USP28: variants seen among roughly 807,000 people sequenced by gnomAD.
USP28 encodes ubiquitin carboxyl-terminal hydrolase 28.
A neutral mutation model predicts 145.0 loss-of-function variants in USP28; 113 were observed. The ratio of observed to expected loss-of-function variants is 0.78; its 90% CI spans 0.67 to 0.91. USP28 has a LOEUF of 0.91. Ranked by LOEUF, USP28 falls within the 40% of genes least tolerant of loss-of-function variation. The pLI is 0.00. For missense variants in USP28, 1,201 were observed against 1,289.6 expected, an observed-to-expected ratio of 0.93 and a Z score of 1.05; for synonymous variants, 447 against 450.9, an observed-to-expected ratio of 0.99 and a Z score of 0.11.
chr11:113,826,336 CATT>C (rs1486989492), intron 11 of USP28, among the ~76,000 whole-genome samples: 59 of 115,206 alleles, frequency 5.1e-4, no homozygotes, highest in Admixed American at 8.8e-4. Flanking sequence ...CCACCACACC[CATT>C]TTTTTTTTTT....
chr11:113,806,397 C>A, intron 19 of USP28, 92 bp downstream of exon 20: 1 of 1,104,086 alleles, frequency 9.1e-7, no homozygotes, highest in Middle Eastern at 2.9e-4. Flanking sequence ...CCACACCCAG[C>A]CTTAACCCCA....
exon 20 of USP28, chr11:113,804,979 G>C (rs1308433035): frequency 6.8e-6 from 11 of 1,614,036 alleles, no homozygotes; most frequent in Non-Finnish European, 7.6e-6. Flanking sequence ...CTGAAGTCGA[G>C]GATCACTGTG....
chr11:113,809,387 A>T (rs1239354720), intron 16 of USP28, 133 bp from the exon 17 acceptor site: 2 of 862,900 alleles, frequency 2.3e-6, no homozygotes, highest in Non-Finnish European at 3.6e-6. Flanking sequence ...TCCATCAGAA[A>T]TGCAGGCTGA....
At chr11:113,812,943 T>A (rs542282904) in intron 15 of USP28, among the ~76,000 whole-genome samples, 26 of 152,340 alleles carry the variant, frequency 1.7e-4, no homozygotes, top group African/African-American at 6.0e-4. Context: ...ACATATTTAA[T>A]TCAGCCACAT....
chr11:113,853,041 G>A (rs543184992), intron 2 of USP28, among the ~76,000 whole-genome samples: 39 of 152,246 alleles, frequency 2.6e-4, no homozygotes, highest in Middle Eastern at 3.4e-3. Flanking sequence ...TGGCTCACAC[G>A]CCTGTAATCC....
At chr11:113,813,779 A>T in intron 15 of USP28, 106 bp downstream of exon 15, 1 of 847,588 alleles carries the variant, frequency 1.2e-6, no homozygotes, top group Non-Finnish European at 1.9e-6. Context: ...TTATTCTTTT[A>T]TCTTAGGGGG....
At chr11:113,849,841 TA>T (rs1946271464) in intron 3 of USP28, among the ~76,000 whole-genome samples, 1 of 152,136 alleles carries the variant, frequency 6.6e-6, no homozygotes, top group African/African-American at 2.4e-5. Flanking sequence ...CTGGCAACCC[TA>T]GGGGACTACA....
At chr11:113,842,197 A>C (rs1318771035) in intron 3 of USP28, among the ~76,000 whole-genome samples, 1 of 152,154 alleles carries the variant, frequency 6.6e-6, no homozygotes, top group Non-Finnish European at 1.5e-5. Flanking sequence ...AAAAAGTGAA[A>C]CTCACACGTG....
chr11:113,864,703 T>C (rs944538571), intron 1 of USP28, among the ~76,000 whole-genome samples: 1 of 152,292 alleles, frequency 6.6e-6, no homozygotes, highest in Non-Finnish European at 1.5e-5. Context: ...CTACCCACAT[T>C]AGGGAGTTCA....
At chr11:113,849,465 C>T (rs907729001) in intron 3 of USP28, among the ~76,000 whole-genome samples, 6 of 152,114 alleles carry the variant, frequency 3.9e-5, no homozygotes, top group Non-Finnish European at 7.4e-5. Flanking sequence ...GATAAAAGCC[C>T]GTGTTAGGCT....
intron 14 of USP28, 72 bp from the exon 15 acceptor site, chr11:113,814,027 A>C: frequency 8.7e-7 from 1 of 1,146,680 alleles, no homozygotes. Flanking sequence ...TACTTTAACT[A>C]AGCAAAGAAT....
chr11:113,855,401 T>C (rs190634019), intron 1 of USP28, among the ~76,000 whole-genome samples: 61 of 152,344 alleles, frequency 4.0e-4, no homozygotes, highest in African/African-American at 1.4e-3. Flanking sequence ...TAGATGAATG[T>C]TGAAAACAAA....
At chr11:113,808,468 T>C (rs1236117069) in intron 17 of USP28, 31 bp from the exon 18 acceptor site, 2 of 1,609,880 alleles carry the variant, frequency 1.2e-6, no homozygotes. Context: ...GGTCTTAGCA[T>C]CTAATGATAA....
In USP28 at chr11:113,806,413, T is replaced by C. The variant is rs1169374286; in HGVS notation, c.2400+76A>G. ...CACACCCAGCCTTAACCCCATTTTT[T>C]CCCTTCTTATAGAATTATTTCCCCA... On this transcript the variant is annotated intron_variant, in intron 19 of 24. Coordinates refer to ENST00000003302, the Ensembl canonical transcript of USP28. 12 of 1,298,072 alleles carry C rather than the reference T, an allele frequency of 9.2e-6. No individual in the cohort carries two copies. The East Asian group carries it at 1.2e-4, about 13-fold the overall frequency. 80.4% of individuals were successfully genotyped at this position (1,298,072 alleles called of 1,614,324 possible). A position where few individuals can be genotyped will look rare whatever the true frequency, so the allele number is the denominator to read the frequency against.
intron 1 of USP28, among the ~76,000 whole-genome samples, chr11:113,869,258 C>A (rs1948586132): frequency 6.6e-6 from 1 of 152,126 alleles, no homozygotes; most frequent in African/African-American, 2.4e-5. Flanking sequence ...CATGGTGAAA[C>A]CCCGTCTCTA....
chr11:113,832,452 G>C (rs1944109125), intron 7 of USP28, among the ~76,000 whole-genome samples: 1 of 152,220 alleles, frequency 6.6e-6, no homozygotes, highest in African/African-American at 2.4e-5. Flanking sequence ...GAAAACATAG[G>C]AACACTGAAA....
intron 3 of USP28, 110 bp downstream of exon 3, chr11:113,852,391 T>G: frequency 1.4e-6 from 2 of 1,401,562 alleles, no homozygotes; most frequent in Non-Finnish European, 2.0e-6. Flanking sequence ...TAAGCTGTTA[T>G]TACTATTATT....
intron 18 of USP28, 51 bp from the exon 19 acceptor site, chr11:113,808,187 T>C (rs749976247): frequency 1.1e-4 from 174 of 1,529,968 alleles, no homozygotes; most frequent in Non-Finnish European, 1.4e-4. Flanking sequence ...GAGAAATAAA[T>C]AGGGGTTGGT....
chr11:113,853,273 C>CAACT (rs776111128), intron 2 of USP28, among the ~76,000 whole-genome samples: 25 of 109,946 alleles, frequency 2.3e-4, no homozygotes, highest in Non-Finnish European at 3.7e-4. Context: ...GCAGGCAAGG[C>CAACT]AACTGAGTGA....
Sources: allele counts gnomAD v4.1 joint callset (sites outside exome capture counted in the v4.1 genomes callset), GRCh38; gene constraint gnomAD v4.1.1; transcripts MANE v1.5; gene names NCBI Gene and HGNC (gene_info 2026-07-23, HGNC 2026-07-21).